The following MFHAS1 variants were observed in gnomAD, a reference collection of about 807,000 sequenced individuals.
The protein encoded by MFHAS1 is malignant fibrous histiocytoma-amplified sequence 1.
In MFHAS1, 50 loss-of-function variants were observed where a neutral mutation model predicts 70.4. The ratio of observed to expected loss-of-function variants is 0.71; its 90% CI spans 0.57 to 0.90. The LOEUF is 0.90. MFHAS1 is among the 40% of genes least tolerant of loss of function. The probability of loss-of-function intolerance (pLI) is 0.00; values close to 1 mark genes in which losing one functional copy is unlikely to be tolerated. For synonymous variants in MFHAS1, 952 were observed against 620.0 expected, an observed-to-expected ratio of 1.54 and a Z score of -7.96; for missense variants, 1,795 against 1,347.6, an observed-to-expected ratio of 1.33 and a Z score of -5.20.
chr8:8,808,385 C>G (rs543376433), intron 1 of MFHAS1, among the ~76,000 whole-genome samples: 10 of 152,376 alleles, frequency 6.6e-5, no homozygotes, highest in African/African-American at 2.4e-4. Flanking sequence ...TAGGCACTTT[C>G]TCGGTTATCA....
At chr8:8,826,924 G>C (rs188798907) in intron 1 of MFHAS1, among the ~76,000 whole-genome samples, 10 of 152,332 alleles carry the variant, frequency 6.6e-5, no homozygotes, top group Admixed American at 6.5e-4. Context: ...ATCTGAGGCA[G>C]GGATGGCATA....
chr8:8,828,971 G>A lies in MFHAS1; in HGVS notation c.2999-31480C>T, dbSNP rs377613325. The stretch of plus-strand genomic sequence containing the variant: ...CACCCCTGCCTCCCTCTTCCGGCCC[G>A]TTACTGCAGCCAGCAGCCTTCTTCC... On this transcript the variant is annotated intron_variant, in intron 1 of 2. Transcript: ENST00000276282. Among the ~76,000 whole-genome samples, 412 of 152,142 alleles carry A rather than the reference G, an allele frequency of 2.7e-3. 1 individual carries two copies. The highest frequency in any genetic ancestry group is 3.8e-3 in the Non-Finnish European group (260 of 68,000).
At chr8:8,796,812 G>A (rs1254663883) in intron 2 of MFHAS1, among the ~76,000 whole-genome samples, 1 of 151,590 alleles carries the variant, frequency 6.6e-6, no homozygotes, top group Non-Finnish European at 1.5e-5. Context: ...TGGCTAACAG[G>A]GTGAAACCCT....
At chr8:8,829,268 C>T (rs1259945520) in intron 1 of MFHAS1, among the ~76,000 whole-genome samples, 1 of 152,238 alleles carries the variant, frequency 6.6e-6, no homozygotes, top group Admixed American at 6.5e-5. Flanking sequence ...TGCACCCCCA[C>T]CTGGAGGTCC....
At chr8:8,869,755 T>C (rs1196430142) in intron 1 of MFHAS1, among the ~76,000 whole-genome samples, 2 of 152,192 alleles carry the variant, frequency 1.3e-5, no homozygotes, top group Non-Finnish European at 2.9e-5. Flanking sequence ...AACATACACT[T>C]AAATCAGTCA....
At chr8:8,866,318 GT>G (rs11306798) in intron 1 of MFHAS1, among the ~76,000 whole-genome samples, 3,462 of 141,450 alleles carry the variant, frequency 0.024, 83 homozygotes, top group Admixed American at 0.054. Context: ...CTTCTTTTTT[GT>G]TTTTTTTTTT....
chr8:8,839,281 C>G (rs1807715894), intron 1 of MFHAS1, among the ~76,000 whole-genome samples: 1 of 152,092 alleles, frequency 6.6e-6, no homozygotes, highest in Non-Finnish European at 1.5e-5. Flanking sequence ...TGCAAAGACT[C>G]TAATTTCTCC....
chr8:8,851,862 A>G (rs1808259088), intron 1 of MFHAS1, among the ~76,000 whole-genome samples: 1 of 152,202 alleles, frequency 6.6e-6, no homozygotes, highest in African/African-American at 2.4e-5. Flanking sequence ...GGCAGGTGAG[A>G]CTTGAAAAGC....
Position 8,890,986 on chromosome 8 carries a change from C to A in MFHAS1, c.2073G>T (p.Leu691=), listed in dbSNP as rs1432409766. The A allele has an allele frequency of 1.9e-6, 3 of 1,613,950 alleles. No homozygotes were observed. The South Asian group carries it at 3.3e-5, about 18-fold the overall frequency. ...GTCGGTCCTCGGTCAGACCCGCCTG[C>A]AGGCCCAAGCGCGCCGAGTCCCACC... The part of the protein sequence containing the change: ...LSWWDSARLG[L]QAGLTEDRLQ... The change falls in exon 1 of 3, where the codon CTG becomes CTT. Residue 691 remains leucine (L), a synonymous_variant. Coordinates refer to ENST00000276282, the MANE Select transcript of MFHAS1 (RefSeq NM_004225.3).
At chr8:8,849,742 A>G (rs752123295) in intron 1 of MFHAS1, among the ~76,000 whole-genome samples, 1 of 152,230 alleles carries the variant, frequency 6.6e-6, no homozygotes, top group Non-Finnish European at 1.5e-5. Context: ...TCAAACAGGT[A>G]AGGGTAGATA....
chr8:8,891,272 T>C lies in MFHAS1; in HGVS notation c.1787A>G (p.Tyr596Cys), dbSNP rs780399040. The change falls in exon 1 of 3, where the codon TAT (tyrosine) becomes TGT (cysteine). Residue 596 changes from tyrosine (Y) to cysteine (C), a missense_variant. Physicochemically the swap from Tyr to Cys is radical, Grantham distance 194. Coordinates refer to ENST00000276282, the MANE Select transcript of MFHAS1 (RefSeq NM_004225.3). The surrounding 1 kb of genome is among the most constrained non-coding windows in gnomAD (Gnocchi z 5.4). ...TCGAAGGTTCTTGTCCGAAACGCCATAGTAGGCTGCGTGGGGGCTGGCAGA... is the reference window on the plus strand; with the variant it reads ...TCGAAGGTTCTTGTCCGAAACGCCACAGTAGGCTGCGTGGGGGCTGGCAGA... ...LRSASPHAAY[Y>C]GVSDKNLRRR... 2.0e-5 allele frequency: 32 copies of C among 1,611,962 alleles called. No individual in the cohort carries two copies. Among genetic ancestry groups the C allele is most frequent in the African/African-American group, 6.7e-5 (5 of 74,908 alleles).
chr8:8,797,317 T>C, intron 2 of MFHAS1, 48 bp downstream of exon 2: 1 of 1,607,342 alleles, frequency 6.2e-7, no homozygotes, highest in African/African-American at 1.3e-5. Flanking sequence ...TCTATGGAGC[T>C]GGGATCAGGA....
intron 1 of MFHAS1, among the ~76,000 whole-genome samples, chr8:8,876,659 G>T (rs1246039578): frequency 6.6e-6 from 1 of 151,898 alleles, no homozygotes; most frequent in African/African-American, 2.4e-5. Context: ...TTACAGGTGT[G>T]AGCCACCACA....
chr8:8,789,068 A>G (rs1231607064), intron 2 of MFHAS1, among the ~76,000 whole-genome samples: 1 of 152,022 alleles, frequency 6.6e-6, no homozygotes, highest in Non-Finnish European at 1.5e-5. Flanking sequence ...GGACAAAAAG[A>G]TAAGAGAGCA....
intron 1 of MFHAS1, among the ~76,000 whole-genome samples, chr8:8,839,457 C>T (rs1398881830): frequency 1.3e-5 from 2 of 152,134 alleles, no homozygotes; most frequent in African/African-American, 2.4e-5. Flanking sequence ...ACAAATATCA[C>T]AGAAAGAACA....
At chr8:8,822,838 G>T (rs1037492422) in intron 1 of MFHAS1, among the ~76,000 whole-genome samples, 6 of 148,006 alleles carry the variant, frequency 4.1e-5, no homozygotes, top group African/African-American at 1.5e-4. Context: ...CTGACACAGG[G>T]ACAGGAACCA....
At chr8:8,822,982 G>C (rs1310923389) in intron 1 of MFHAS1, among the ~76,000 whole-genome samples, 14 of 152,264 alleles carry the variant, frequency 9.2e-5, no homozygotes, top group Non-Finnish European at 8.8e-5. Flanking sequence ...ACAGAGCCAG[G>C]CATGGGATCC....
intron 2 of MFHAS1, among the ~76,000 whole-genome samples, chr8:8,793,146 A>G (rs1024085126): frequency 3.9e-5 from 6 of 152,024 alleles, no homozygotes; most frequent in African/African-American, 1.5e-4. Context: ...CCACTGAGAC[A>G]AGTTATAAGA....
chr8:8,831,616 A>ATTT (rs373603367), intron 1 of MFHAS1, among the ~76,000 whole-genome samples: 3 of 142,828 alleles, frequency 2.1e-5, no homozygotes, highest in East Asian at 4.1e-4. Context: ...TAAATGGTCA[A>ATTT]TTTTTTTTTT....
Sources: gnomAD v4.1 joint callset for allele counts (sites outside exome capture counted in the v4.1 genomes callset) on GRCh38, gnomAD v4.1.1 for gene constraint, Gnocchi (gnomAD v3.1) non-coding constraint, MANE v1.5 for transcripts, NCBI Gene and HGNC (gene_info 2026-07-23, HGNC 2026-07-21) for gene names.